Variants in MYO18A observed in about 807,000 individuals in gnomAD.
MYO18A encodes the protein unconventional myosin-XVIIIa.
A neutral mutation model predicts 235.8 loss-of-function variants in MYO18A; 78 were observed. The ratio of observed to expected loss-of-function variants is 0.33; its 90% CI spans 0.28 to 0.40. The LOEUF (loss-of-function observed/expected upper bound fraction) is 0.40, where lower values mean the gene tolerates loss of function less well. Ranked by LOEUF, MYO18A falls within the 10% of genes least tolerant of loss-of-function variation. The pLI is 1.00. For synonymous variants in MYO18A, 977 were observed against 1,077.8 expected, an observed-to-expected ratio of 0.91 and a Z score of 1.83; for missense variants, 2,215 against 2,699.3, an observed-to-expected ratio of 0.82 and a Z score of 3.98.
At chr17:29,141,967 C>T (rs914281825) in intron 2 of MYO18A, among the ~76,000 whole-genome samples, 16 of 151,926 alleles carry the variant, frequency 1.1e-4, no homozygotes, top group Admixed American at 5.2e-4. Context: ...TTTTTTGAGA[C>T]GGAGTCTCGC....
intron 2 of MYO18A, among the ~76,000 whole-genome samples, chr17:29,149,886 A>C (rs536523859): frequency 3.3e-5 from 5 of 152,368 alleles, no homozygotes; most frequent in African/African-American, 1.2e-4. Context: ...AATGTACCAC[A>C]TGCACTATGT....
In MYO18A at chr17:29,098,979, G is replaced by A. The variant is rs776620715; in HGVS notation, c.3637-10C>T. 2 of 1,612,604 alleles carry A rather than the reference G, an allele frequency of 1.2e-6. No individual in the cohort carries two copies. Among genetic ancestry groups the A allele is most frequent in the Admixed American group, 1.7e-5 (1 of 60,008 alleles). The stretch of plus-strand genomic sequence containing the variant: ...TGGCCAGGTCCTGGATCTGCAGGTG[G>A]GGTGGGGGTGGTGCACAGCGGGGCT... On this transcript the variant is annotated splice_polypyrimidine_tract_variant and intron_variant, in intron 22 of 41. Coordinates refer to ENST00000527372, the MANE Select transcript of MYO18A (RefSeq NM_078471.4).
At position 29,094,846 on chromosome 17, in the gene MYO18A, T is replaced by A; in HGVS notation, c.4514A>T (p.Lys1505Ile). The change falls in exon 30 of 42, where the codon AAA becomes ATA. Residue 1505 changes from lysine (K) to isoleucine (I), a missense_variant. By Grantham distance (102) the Lys-to-Ile change is moderately radical (BLOSUM62 -3). Coordinates refer to ENST00000527372, the MANE Select transcript of MYO18A (RefSeq NM_078471.4). ...AFSLKQQLEE[K>I]DMDIAGFTQK... ...GGTGAACCCTGCAATGTCCATGTCT[T>A]TTTCCTGGAGCAAAAGAGATGAGGC... 1 of 1,614,010 alleles carries A rather than the reference T, an allele frequency of 6.2e-7. No individual in the cohort carries two copies. Among genetic ancestry groups the A allele is most frequent in the East Asian group, 2.2e-5 (1 of 44,884 alleles).
intron 2 of MYO18A, among the ~76,000 whole-genome samples, chr17:29,162,558 T>C (rs769082622): frequency 6.6e-6 from 1 of 152,236 alleles, no homozygotes; most frequent in African/African-American, 2.4e-5. Flanking sequence ...GCCCCTCTGC[T>C]GCACTCCCAG....
At chr17:29,128,577 A>G in intron 2 of MYO18A, 1 of 1,203,156 alleles carries the variant, frequency 8.3e-7, no homozygotes. Flanking sequence ...AGACATTAGC[A>G]TCACCCCTGC....
chr17:29,131,221 C>T (rs969069863), intron 2 of MYO18A, among the ~76,000 whole-genome samples: 2 of 152,200 alleles, frequency 1.3e-5, no homozygotes, highest in South Asian at 4.1e-4. Context: ...CAGGAAGGGG[C>T]CCCCTGCAAT....
At chr17:29,132,700 T>C (rs2067500323) in intron 2 of MYO18A, among the ~76,000 whole-genome samples, 1 of 152,250 alleles carries the variant, frequency 6.6e-6, no homozygotes, top group South Asian at 2.1e-4. Context: ...AAGCTGCATC[T>C]TGTCCACAGA....
rs1316130355 is a variant in MYO18A at position 29,071,467 on chromosome 17, A to C, written c.*3303T>G. On this transcript the variant is annotated 3_prime_UTR_variant, in exon 42 of 42. Transcript: ENST00000527372. Reference sequence around the variant, plus strand: ...CTCCTTCTCAACTGAAACTTGGAGAAGCACTGGTCATGTGACAATGCACAG... The same window carrying C: ...CTCCTTCTCAACTGAAACTTGGAGACGCACTGGTCATGTGACAATGCACAG... 2.6e-5 allele frequency: 4 copies of C among 152,270 alleles called. No individual in the cohort carries two copies. The highest frequency in any genetic ancestry group is 5.9e-5 in the Non-Finnish European group (4 of 68,050). 9.4% of individuals were successfully genotyped at this position (152,270 alleles called of 1,614,324 possible). A position where few individuals can be genotyped will look rare whatever the true frequency, so the allele number is the denominator to read the frequency against.
chr17:29,096,748 G>T lies in MYO18A; in HGVS notation c.4385+13C>A. On this transcript the variant is annotated intron_variant, in intron 28 of 41. Coordinates refer to ENST00000527372, the MANE Select transcript of MYO18A (RefSeq NM_078471.4). ...AGAAGGTTCTCTGGGCCCAGGGCAG[G>T]GGGCCCACCCACCTCCTCTGCTTCT... The T allele has an allele frequency of 6.3e-7, 1 of 1,588,998 alleles. No individual in the cohort carries two copies. The highest frequency in any genetic ancestry group is 8.6e-7 in the Non-Finnish European group (1 of 1,166,474).
intron 19 of MYO18A, chr17:29,107,403 G>T: frequency 1.8e-6 from 1 of 544,340 alleles, no homozygotes; most frequent in Non-Finnish European, 3.3e-6. Flanking sequence ...CTGCTCCACA[G>T]GGGGATAGGA....
chr17:29,093,481 G>C, intron 31 of MYO18A, 54 bp from the exon 32 acceptor site: 5 of 1,363,868 alleles, frequency 3.7e-6, no homozygotes, highest in Non-Finnish European at 5.1e-6. Flanking sequence ...CTGGTGCGAA[G>C]CAGGCCCCTT....
At chr17:29,132,440 C>T (rs914100392) in intron 2 of MYO18A, among the ~76,000 whole-genome samples, 2 of 152,186 alleles carry the variant, frequency 1.3e-5, no homozygotes, top group Non-Finnish European at 2.9e-5. Flanking sequence ...CCTAGGACTA[C>T]AGGAAAAAGA....
Position 29,071,898 on chromosome 17 carries a change from C to T in MYO18A, c.*2872G>A, listed in dbSNP as rs2065887942. The T allele has an allele frequency of 6.6e-6, 1 of 152,190 alleles. No individual in the cohort carries two copies. The highest frequency in any genetic ancestry group is 2.4e-5 in the African/African-American group (1 of 41,426). 9.4% of individuals were successfully genotyped at this position (152,190 alleles called of 1,614,324 possible). A position where few individuals can be genotyped will look rare whatever the true frequency, so the allele number is the denominator to read the frequency against. Reference sequence around the variant, plus strand: ...TGAAGGAAGGGACCTTATCCATCACCAGCACCCAGAATGGGGCCTAGGCAC... The same window carrying T: ...TGAAGGAAGGGACCTTATCCATCACTAGCACCCAGAATGGGGCCTAGGCAC... On this transcript the variant is annotated 3_prime_UTR_variant, in exon 42 of 42. Coordinates refer to ENST00000527372, the MANE Select transcript of MYO18A (RefSeq NM_078471.4).
chr17:29,174,749 T>C (rs1598405277), intron 1 of MYO18A, among the ~76,000 whole-genome samples: 1 of 151,748 alleles, frequency 6.6e-6, no homozygotes. Context: ...GAAGCGGAGG[T>C]TGCAGTGAGC....
intron 2 of MYO18A, among the ~76,000 whole-genome samples, chr17:29,156,050 C>G (rs2068059725): frequency 1.3e-5 from 2 of 152,210 alleles, no homozygotes; most frequent in Admixed American, 1.3e-4. Flanking sequence ...GCTGCCTTAG[C>G]ACCCACTCTC....
At chr17:29,178,663 G>A (rs927173252) in intron 1 of MYO18A, among the ~76,000 whole-genome samples, 1 of 152,180 alleles carries the variant, frequency 6.6e-6, no homozygotes, top group Non-Finnish European at 1.5e-5. Flanking sequence ...GAGCCAGTGA[G>A]GCTTGTCAGG....
Position 29,111,469 on chromosome 17 carries a change from T to TTCTG in MYO18A, c.2851_2854dup (p.Asn952ThrfsTer102). 6.2e-7 allele frequency: 1 copy of TTCTG among 1,612,366 alleles called. No homozygotes were observed. The highest frequency in any genetic ancestry group is 8.5e-7 in the Non-Finnish European group (1 of 1,179,302). On this transcript the variant is annotated frameshift_variant, in exon 17 of 42. Transcript: ENST00000527372. LOFTEE classifies it high-confidence loss of function. This position sits in a 1 kb window ranked among gnomAD's most constrained non-coding sequence, Gnocchi z 5.1. ...CCGGGGGGCATTCTGGGTGGCTGGG[T>TTCTG]TCTGCTTGGTGTAGTTCAGCCAGCC...
chr17:29,089,003 G>A (rs992908426), intron 37 of MYO18A, among the ~76,000 whole-genome samples: 1 of 147,052 alleles, frequency 6.8e-6, no homozygotes, highest in Admixed American at 6.8e-5. Flanking sequence ...CCATGATTGC[G>A]TCACTGCACT....
In MYO18A at chr17:29,085,388, G is replaced by A. The variant is rs1002507351; in HGVS notation, c.5897+216C>T. On this transcript the variant is annotated intron_variant, in intron 40 of 41. Transcript: ENST00000527372. ...CCATCCTGCCCACCAAGGGTGCACG[G>A]GCCAGCCCCAGCCTTCTGGGGAGCA... Among the ~76,000 whole-genome samples the A allele has an allele frequency of 8.9e-4, 136 of 152,220 alleles. 1 individual carries two copies. The highest frequency in any genetic ancestry group is 5.9e-5 in the Non-Finnish European group (4 of 68,040).
Sources: allele counts gnomAD v4.1 joint callset (sites outside exome capture counted in the v4.1 genomes callset), GRCh38; gene constraint gnomAD v4.1.1; non-coding constraint Gnocchi (gnomAD v3.1); transcripts MANE v1.5; gene names NCBI Gene and HGNC (gene_info 2026-07-23, HGNC 2026-07-21).